The following TNRC6C variants were observed in gnomAD, a reference collection of about 807,000 sequenced individuals.
TNRC6C encodes the protein trinucleotide repeat-containing gene 6C protein.
Under a neutral mutation model 153.7 loss-of-function variants are expected in TNRC6C, and 20 were observed. The ratio of observed to expected loss-of-function variants is 0.13; its 90% CI spans 0.09 to 0.19. The LOEUF (loss-of-function observed/expected upper bound fraction) is 0.19, where lower values mean the gene tolerates loss of function less well. Among genes scored for constraint, TNRC6C ranks in the 10% least tolerant of loss-of-function variants. TNRC6C has a pLI of 1.00. For missense variants in TNRC6C, 1,987 were observed against 2,172.0 expected (o/e 0.91, Z 1.69); for synonymous variants, 811 against 841.4 (o/e 0.96, Z 0.63).
chr17:78,041,729 A>G (rs2072299811), intron 2 of TNRC6C, among the ~76,000 whole-genome samples: 1 of 152,228 alleles, frequency 6.6e-6, no homozygotes, highest in Non-Finnish European at 1.5e-5. Flanking sequence ...AGGCTGTTGT[A>G]GCATTTATCC....
rs1331105488 is a variant in TNRC6C at position 78,102,757 on chromosome 17, C to G, written c.4572+213C>G. ...CCCAGGGGCCTCTTTTAACCATGTT[C>G]CTGGTGAATTGTTTGTTTCCCCACC... On this transcript the variant is annotated intron_variant, in intron 18 of 19. Coordinates refer to ENST00000301624, the Ensembl canonical transcript of TNRC6C. 3 of 526,870 alleles carry G rather than the reference C, an allele frequency of 5.7e-6. No individual in the cohort carries two copies. The African/African-American group carries it at 5.9e-5, about 10-fold the overall frequency. 32.6% of individuals were successfully genotyped at this position (526,870 alleles called of 1,614,324 possible). A position where few individuals can be genotyped will look rare whatever the true frequency, so the allele number is the denominator to read the frequency against.
At chr17:78,024,239 C>T (rs2071891033) in intron 1 of TNRC6C, among the ~76,000 whole-genome samples, 1 of 152,134 alleles carries the variant, frequency 6.6e-6, no homozygotes, top group Admixed American at 6.5e-5. Flanking sequence ...GTATTGTGCT[C>T]TCAGTTTTAT....
intron 2 of TNRC6C, among the ~76,000 whole-genome samples, chr17:78,040,125 A>G (rs1037965880): frequency 3.3e-5 from 5 of 152,234 alleles, no homozygotes; most frequent in African/African-American, 1.2e-4. Flanking sequence ...AGGGGAAACT[A>G]GATTTGTAAA....
At chr17:78,091,353 C>A in intron 13 of TNRC6C, 87 bp from the exon 16 acceptor site, 1 of 1,344,204 alleles carries the variant, frequency 7.4e-7, no homozygotes. Flanking sequence ...TTGCTGTAAG[C>A]GAAGACTGAA....
chr17:77,964,841 A>C (rs2070885409), intron 1 of TNRC6C, among the ~76,000 whole-genome samples: 1 of 152,138 alleles, frequency 6.6e-6, no homozygotes, highest in African/African-American at 2.4e-5. Flanking sequence ...GTAGGGAGGG[A>C]ATTTAATAGG....
rs180754567 is a variant in TNRC6C, at chr17:77,959,764, G to A, written c.-38+496G>A. ...GAAATCAGGTGGATTTTCTAACGGT[G>A]CTGCGGACTGCGGAGTAATGCGTAT... On this transcript the variant is annotated intron_variant, in intron 1 of 22. Coordinates refer to the TNRC6C transcript ENST00000636222. Among the ~76,000 whole-genome samples the A allele has an allele frequency of 3.9e-5, 6 of 152,282 alleles. No homozygotes were observed. The East Asian group carries it at 9.7e-4, about 25-fold the overall frequency.
At chr17:78,062,157 ATATT>A (rs2072781782) in intron 3 of TNRC6C, among the ~76,000 whole-genome samples, 1 of 152,150 alleles carries the variant, frequency 6.6e-6, no homozygotes, top group Non-Finnish European at 1.5e-5. Context: ...CTCCCAATAT[ATATT>A]ATTGTCTTTT....
At chr17:77,991,343 C>G (rs1460854011) in intron 1 of TNRC6C, among the ~76,000 whole-genome samples, 1 of 152,128 alleles carries the variant, frequency 6.6e-6, no homozygotes, top group Admixed American at 6.5e-5. Flanking sequence ...TGGAGGTGGG[C>G]AGCCATCCAC....
intron 1 of TNRC6C, among the ~76,000 whole-genome samples, chr17:77,974,338 C>T: frequency 6.6e-6 from 1 of 152,114 alleles, no homozygotes; most frequent in East Asian, 1.9e-4. Context: ...TTCCATTTTT[C>T]CTGCATTGAT....
At chr17:78,069,959 C>T (rs1319027213) in intron 5 of TNRC6C, among the ~76,000 whole-genome samples, 1 of 152,168 alleles carries the variant, frequency 6.6e-6, no homozygotes. Flanking sequence ...TTCGAGAGAA[C>T]AGGAACTAAG....
intron 13 of TNRC6C, among the ~76,000 whole-genome samples, chr17:78,090,893 T>C (rs2073381800): frequency 6.6e-6 from 1 of 152,256 alleles, no homozygotes. Flanking sequence ...GTCTGTTTCA[T>C]AGGTGGTACT....
chr17:77,969,718 T>G (rs1032443084), intron 1 of TNRC6C, among the ~76,000 whole-genome samples: 1 of 151,898 alleles, frequency 6.6e-6, no homozygotes, highest in African/African-American at 2.4e-5. Flanking sequence ...GCATCTAGAA[T>G]GCAGTGTAGG....
chr17:78,064,962 T>C, intron 4 of TNRC6C, 25 bp downstream of exon 6: 1 of 1,581,932 alleles, frequency 6.3e-7, no homozygotes, highest in Non-Finnish European at 8.6e-7. Context: ...CTGCTTGCCC[T>C]GATCTGGCAA....
chr17:78,083,884 T>G (rs1444620239), intron 11 of TNRC6C, among the ~76,000 whole-genome samples: 1 of 152,228 alleles, frequency 6.6e-6, no homozygotes, highest in African/African-American at 2.4e-5. Flanking sequence ...ACCTAGATGC[T>G]TACTGAAATT....
chr17:78,080,903 ATCT>A (rs767780280), intron 10 of TNRC6C, among the ~76,000 whole-genome samples: 3 of 152,086 alleles, frequency 2.0e-5, no homozygotes, highest in Non-Finnish European at 4.4e-5. Context: ...TAATTCATCA[ATCT>A]TCTATTATTC....
chr17:78,042,480 G>C (rs905362749), intron 2 of TNRC6C, among the ~76,000 whole-genome samples: 1 of 151,842 alleles, frequency 6.6e-6, no homozygotes, highest in African/African-American at 2.4e-5. Context: ...ACTCCGAAAT[G>C]GTATAAAGTA....
chr17:78,033,408 G>A (rs550080319), intron 2 of TNRC6C, among the ~76,000 whole-genome samples: 3 of 152,224 alleles, frequency 2.0e-5, no homozygotes, highest in South Asian at 4.2e-4. Context: ...AGTGGCTCAC[G>A]CCTGTAATCC....
At chr17:78,070,978 A>T (rs773767622) in intron 5 of TNRC6C, 107 bp from the exon 8 acceptor site, 49 of 1,097,620 alleles carry the variant, frequency 4.5e-5, no homozygotes, top group Non-Finnish European at 6.0e-5. Context: ...ATACAAAAAG[A>T]TCCTGTGACT....
In TNRC6C at chr17:78,049,145, T is replaced by C; in HGVS notation, c.83T>C (p.Val28Ala). Residue 28 changes from valine to alanine, a missense_variant, in exon 3 of 20, where the codon GTC becomes GCC. Val to Ala is a moderately conservative substitution (Grantham distance 64). Transcript: ENST00000301624. This position sits in a 1 kb window ranked among gnomAD's most constrained non-coding sequence, Gnocchi z 4.1. ...AATAATGGCACCAATGGCGCACTCG[T>C]CCAAAGCCCTTCTAATCAGAGTGCC... is the stretch of plus-strand genomic sequence containing the variant. 6.2e-7 allele frequency: 1 copy of C among 1,609,420 alleles called. No homozygotes were observed.
Sources: gnomAD v4.1 joint callset for allele counts (sites outside exome capture counted in the v4.1 genomes callset) on GRCh38, gnomAD v4.1.1 for gene constraint, Gnocchi (gnomAD v3.1) non-coding constraint, MANE v1.5 for transcripts, NCBI Gene and HGNC (gene_info 2026-07-23, HGNC 2026-07-21) for gene names.